The following ROR1 variants were observed in gnomAD, a reference collection of about 807,000 sequenced individuals.
ROR1 encodes the protein ROR family WNT receptor 1.
Under a neutral mutation model 78.8 loss-of-function variants are expected in ROR1, and 19 were observed. The ratio of observed to expected loss-of-function variants is 0.24; its 90% confidence interval spans 0.17 to 0.35. ROR1 has a LOEUF of 0.35. Among genes scored for constraint, ROR1 ranks in the 10% least tolerant of loss-of-function variants. ROR1 has a pLI of 1.00. For synonymous variants in ROR1, 386 were observed against 433.6 expected (o/e 0.89, Z 1.36); for missense variants, 917 against 1,177.8 (o/e 0.78, Z 3.24).
chr1:63,845,925 T>C (rs1645077608), intron 1 of ROR1, among the ~76,000 whole-genome samples: 1 of 152,134 alleles, frequency 6.6e-6, no homozygotes, highest in South Asian at 2.1e-4. Context: ...TGAACTTATG[T>C]TTTTATACTC....
chr1:63,940,835 G>A (rs902344140), intron 1 of ROR1, among the ~76,000 whole-genome samples: 9 of 152,188 alleles, frequency 5.9e-5, no homozygotes, highest in Admixed American at 3.9e-4. Context: ...AGATGATCAG[G>A]TTAATATCAT....
intron 1 of ROR1, among the ~76,000 whole-genome samples, chr1:64,003,102 C>T (rs1047352364): frequency 1.3e-5 from 2 of 152,106 alleles, no homozygotes; most frequent in Non-Finnish European, 2.9e-5. Context: ...AAGGTACCTA[C>T]CTTATAGACT....
chr1:64,125,160 CG>C (rs989598626), intron 4 of ROR1, among the ~76,000 whole-genome samples: 4 of 152,138 alleles, frequency 2.6e-5, no homozygotes, highest in African/African-American at 9.7e-5. Context: ...AACGTTTTTA[CG>C]TATGTTTGCT....
chr1:64,115,010 G>C (rs1475034948), intron 4 of ROR1, among the ~76,000 whole-genome samples: 1 of 152,168 alleles, frequency 6.6e-6, no homozygotes, highest in East Asian at 1.9e-4. Flanking sequence ...CTGTCACCAG[G>C]CTGGATTGCA....
chr1:64,091,818 A>C (rs1647199867), intron 4 of ROR1, among the ~76,000 whole-genome samples: 1 of 152,052 alleles, frequency 6.6e-6, no homozygotes, highest in Admixed American at 6.6e-5. Context: ...TTTTCTCCTC[A>C]AAACTGAGTT....
chr1:63,980,973 CA>C (rs1336608294), intron 1 of ROR1, among the ~76,000 whole-genome samples: 1 of 151,522 alleles, frequency 6.6e-6, no homozygotes, highest in Admixed American at 6.6e-5. Context: ...GCACTTTGTG[CA>C]AGGAGCACAG....
intron 1 of ROR1, among the ~76,000 whole-genome samples, chr1:63,946,797 C>T (rs748194802): frequency 3.9e-5 from 6 of 152,072 alleles, no homozygotes; most frequent in Admixed American, 6.6e-5. Context: ...ATGTTGGATC[C>T]AAGACAGAAA....
chr1:63,830,014 C>G (rs1366352416), intron 1 of ROR1, among the ~76,000 whole-genome samples: 1 of 141,480 alleles, frequency 7.1e-6, no homozygotes, highest in Non-Finnish European at 1.5e-5. Flanking sequence ...GCAATGAGGC[C>G]AAAAAAAAAA....
intron 4 of ROR1, among the ~76,000 whole-genome samples, chr1:64,067,318 G>C (rs1465798170): frequency 1.3e-5 from 2 of 151,530 alleles, no homozygotes; most frequent in African/African-American, 4.9e-5. Flanking sequence ...CTGTACTCCA[G>C]CCTGGGCAAC....
Position 63,895,968 on chromosome 1 carries a change from C to T in ROR1, c.92-113337C>T, listed in dbSNP as rs1053911933. Among the ~76,000 whole-genome samples the T allele has an allele frequency of 2.0e-5, 3 of 151,996 alleles. 1 individual carries two copies. The highest frequency in any genetic ancestry group is 2.0e-4 in the Admixed American group (3 of 15,264). On this transcript the variant is annotated intron_variant, in intron 1 of 8. Coordinates refer to ENST00000371079, the MANE Select transcript of ROR1 (RefSeq NM_005012.4). ...CTCTAAGTTCTGGATACCCTCTGTT[C>T]AGTAAAAGGGCTCACAGGTCGCTAG... is the stretch of plus-strand genomic sequence containing the variant.
intron 1 of ROR1, among the ~76,000 whole-genome samples, chr1:63,825,128 T>C (rs1235843495): frequency 2.6e-5 from 4 of 152,224 alleles, no homozygotes; most frequent in Non-Finnish European, 4.4e-5. Flanking sequence ...TTTGGCAGTT[T>C]CTTTAAAAAT....
chr1:63,907,124 G>A (rs534677349), intron 1 of ROR1, among the ~76,000 whole-genome samples: 14 of 152,308 alleles, frequency 9.2e-5, no homozygotes, highest in East Asian at 1.9e-4. Flanking sequence ...CACAGCTTTC[G>A]CCCCCAGATA....
rs544919965 is a variant in ROR1 at position 64,079,239 on chromosome 1, A to C, written c.482+28523A>C. ...GTACATTAAAAACATTAAAATGTGT[A>C]AGTAAGTAGCACTATCCAGCAATGG... On this transcript the variant is annotated intron_variant, in intron 4 of 8. Coordinates refer to ENST00000371079, the MANE Select transcript of ROR1 (RefSeq NM_005012.4). Among the ~76,000 whole-genome samples the C allele has an allele frequency of 1.9e-3, 284 of 152,316 alleles. 3 individuals carry two copies. Among genetic ancestry groups the C allele is most frequent in the Non-Finnish European group, 2.1e-4 (14 of 68,016 alleles).
intron 1 of ROR1, among the ~76,000 whole-genome samples, chr1:63,852,402 C>G (rs1645119924): frequency 1.3e-5 from 2 of 152,214 alleles, no homozygotes; most frequent in Admixed American, 1.3e-4. Context: ...GAAGTCTGCT[C>G]CCTCTTTCGC....
chr1:64,121,895 A>C (rs12032761), intron 4 of ROR1, among the ~76,000 whole-genome samples: 105,043 of 152,072 alleles, frequency 0.69, 36,739 homozygotes, highest in East Asian at 0.97. Flanking sequence ...CAGGTAGTAG[A>C]CCTTATGGCA....
At chr1:64,055,641 A>G (rs773270493) in intron 4 of ROR1, among the ~76,000 whole-genome samples, 1 of 152,196 alleles carries the variant, frequency 6.6e-6, no homozygotes, top group Non-Finnish European at 1.5e-5. Context: ...CTCTCATTAC[A>G]TATATTCCCT....
At chr1:64,091,441 T>C (rs1647196308) in intron 4 of ROR1, among the ~76,000 whole-genome samples, 2 of 152,170 alleles carry the variant, frequency 1.3e-5, no homozygotes, top group Admixed American at 1.3e-4. Flanking sequence ...AGTATATTTG[T>C]AATCACATGT....
rs762011035 is a variant in ROR1, at chr1:64,142,550, C to T, written c.1074C>T (p.Gly358=). 3.1e-6 allele frequency: 5 copies of T among 1,614,060 alleles called. No individual in the cohort carries two copies. The African/African-American group carries it at 6.7e-5, about 22-fold the overall frequency. ...TALRFPELNG[G]HSYCRNPGNQ... is the part of the protein sequence containing the mutation. ...TTCGTTTCCCAGAGCTGAATGGAGG[C>T]CATTCCTACTGCCGCAACCCAGGGA... The change falls in exon 7 of 9, where the codon GGC becomes GGT. Residue 358 remains glycine (G), a synonymous_variant. Coordinates refer to ENST00000371079, the MANE Select transcript of ROR1 (RefSeq NM_005012.4).
At chr1:63,895,298 A>G (rs1221979457) in intron 1 of ROR1, among the ~76,000 whole-genome samples, 1 of 152,116 alleles carries the variant, frequency 6.6e-6, no homozygotes, top group Non-Finnish European at 1.5e-5. Context: ...AGTTATCTGC[A>G]TTTTTCTTCA....
Sources: gnomAD v4.1 joint callset for allele counts (sites outside exome capture counted in the v4.1 genomes callset) on GRCh38, gnomAD v4.1.1 for gene constraint, MANE v1.5 for transcripts, NCBI Gene and HGNC (gene_info 2026-07-23, HGNC 2026-07-21) for gene names.